RGS22: variants seen among roughly 807,000 people sequenced by gnomAD.
The protein encoded by RGS22 is regulator of G-protein signaling 22.
A neutral mutation model predicts 172.9 loss-of-function variants in RGS22; 148 were observed. The observed-to-expected ratio is 0.86, with a 90% confidence interval of 0.75 to 0.98. RGS22 has a LOEUF of 0.98. Ranked by LOEUF, RGS22 falls within the 50% of genes least tolerant of loss-of-function variation. The probability of loss-of-function intolerance (pLI) is 0.00; values close to 1 mark genes in which losing one functional copy is unlikely to be tolerated. For missense variants in RGS22, 1,347 were observed against 1,440.8 expected, an observed-to-expected ratio of 0.93 and a Z score of 1.05; for synonymous variants, 458 against 480.2, an observed-to-expected ratio of 0.95 and a Z score of 0.60.
intron 24 of RGS22, among the ~76,000 whole-genome samples, chr8:99,964,672 A>G (rs1403660017): frequency 6.6e-6 from 1 of 152,084 alleles, no homozygotes; most frequent in Non-Finnish European, 1.5e-5. Context: ...AAAATTGGAT[A>G]TTTCTCTTCT....
At chr8:100,082,194 G>C (rs1352003661) in intron 3 of RGS22, among the ~76,000 whole-genome samples, 2 of 152,114 alleles carry the variant, frequency 1.3e-5, no homozygotes, top group Non-Finnish European at 2.9e-5. Flanking sequence ...TCATGTGATA[G>C]GTGTGTGATG....
chr8:100,093,309 G>C (rs1266820392), intron 3 of RGS22, 138 bp downstream of exon 3: 1 of 547,912 alleles, frequency 1.8e-6, no homozygotes, highest in African/African-American at 2.0e-5. Context: ...TATGTAAAAA[G>C]ATAAAACCTT....
At chr8:99,988,090 A>T (rs1324941284) in intron 20 of RGS22, among the ~76,000 whole-genome samples, 4 of 151,430 alleles carry the variant, frequency 2.6e-5, no homozygotes, top group African/African-American at 9.7e-5. Flanking sequence ...TTATCAATTG[A>T]TTCTATAAGT....
At chr8:100,048,959 G>C (rs760462466) in intron 10 of RGS22, among the ~76,000 whole-genome samples, 1 of 152,102 alleles carries the variant, frequency 6.6e-6, no homozygotes, top group Non-Finnish European at 1.5e-5. Flanking sequence ...TATAAAAAGT[G>C]ATTAAGATGA....
intron 14 of RGS22, among the ~76,000 whole-genome samples, chr8:100,027,209 G>A (rs765257932): frequency 2.0e-5 from 3 of 152,082 alleles, no homozygotes; most frequent in African/African-American, 7.2e-5. Context: ...TCTCCAGCTT[G>A]GGTGACAGAG....
intron 14 of RGS22, among the ~76,000 whole-genome samples, chr8:100,029,690 G>A (rs1404273383): frequency 1.6e-4 from 14 of 86,422 alleles, no homozygotes; most frequent in Admixed American, 5.4e-4. Context: ...GCAACAAGGC[G>A]AAACTCCGTC....
Position 99,962,922 on chromosome 8 carries a change from A to G in RGS22, c.3672T>C (p.Leu1224=), listed in dbSNP as rs1346158773. The change falls in exon 25 of 28, where the codon CTT becomes CTC. Residue 1224 remains leucine (L), a synonymous_variant. Coordinates refer to ENST00000360863, the MANE Select transcript of RGS22 (RefSeq NM_015668.5). ...IEALEQERIL[L]KIQEELEKKL... The stretch of plus-strand genomic sequence containing the variant: ...TTTTTTCTAGTTCTTCTTGGATCTT[A>G]AGAAGAATTCTCTCCTGTTCTAAGG... 3.1e-6 allele frequency: 5 copies of G among 1,601,608 alleles called. No individual in the cohort carries two copies. Among genetic ancestry groups the G allele is most frequent in the South Asian group, 1.1e-5 (1 of 87,070 alleles).
chr8:100,012,978 A>ATTTTTT (rs35339430), intron 14 of RGS22, among the ~76,000 whole-genome samples: 7 of 88,750 alleles, frequency 7.9e-5, no homozygotes, highest in African/African-American at 1.3e-4. Context: ...AACGCCTTTG[A>ATTTTTT]TTTTTTTTTT....
chr8:100,061,043 C>G (rs965093337), intron 9 of RGS22, among the ~76,000 whole-genome samples: 2 of 151,904 alleles, frequency 1.3e-5, no homozygotes, highest in Non-Finnish European at 2.9e-5. Flanking sequence ...TTTGAAAAAC[C>G]CAACAAAAAC....
rs758064565 is a variant in RGS22, at chr8:99,977,927, T to A, written c.3509A>T (p.Lys1170Ile). The A allele has an allele frequency of 5.8e-6, 9 of 1,564,038 alleles. No homozygotes were observed. The Admixed American group carries it at 1.9e-4, about 34-fold the overall frequency. ...KKKLAVLEDE[K>I]SGKDGIKQYA... ...TGAGTCTTGTCTCACCTTTCCAGAT[T>A]TTTCGTCTTCTAGGACTGCCAATTT... Residue 1170 changes from lysine (K) to isoleucine (I), a missense_variant, in exon 23 of 28, where the codon AAA (lysine) becomes ATA (isoleucine). By Grantham distance (102) the Lys-to-Ile change is moderately radical. Transcript: ENST00000360863.
chr8:100,015,130 G>C (rs1368072415), intron 14 of RGS22, among the ~76,000 whole-genome samples: 3 of 152,178 alleles, frequency 2.0e-5, no homozygotes, highest in Non-Finnish European at 2.9e-5. Flanking sequence ...TTTTAGACCT[G>C]ATTTCTTCCC....
intron 24 of RGS22, among the ~76,000 whole-genome samples, chr8:99,964,625 T>C (rs183000527): frequency 1.3e-5 from 2 of 152,300 alleles, no homozygotes; most frequent in Admixed American, 6.5e-5. Context: ...CTAGGTATCA[T>C]ATGCTTTTAG....
chr8:100,032,855 T>G (rs1311401412), intron 14 of RGS22, among the ~76,000 whole-genome samples: 2 of 152,172 alleles, frequency 1.3e-5, no homozygotes, highest in South Asian at 2.1e-4. Context: ...AACTCAGGAT[T>G]AAGAAACTCA....
In RGS22 at chr8:100,093,513, C is replaced by CAAA; in HGVS notation, c.55-7_55-5dup. On this transcript the variant is annotated splice_polypyrimidine_tract_variant and splice_region_variant and intron_variant, in intron 2 of 27. Transcript: ENST00000360863. ...CATCTGTTGCCAGAGAATCTTCCTG[C>CAAA]AAAAAAAAAACATAAAAACACAGTA... 4.4e-6 allele frequency: 6 copies of CAAA among 1,350,382 alleles called. No individual in the cohort carries two copies. Among genetic ancestry groups the CAAA allele is most frequent in the Non-Finnish European group, 6.0e-6 (6 of 993,530 alleles). 83.6% of individuals were successfully genotyped at this position (1,350,382 alleles called of 1,614,324 possible). A position where few individuals can be genotyped will look rare whatever the true frequency, so the allele number is the denominator to read the frequency against.
intron 17 of RGS22, chr8:100,003,061 G>GAA: frequency 1.2e-5 from 2 of 160,006 alleles, no homozygotes; most frequent in Non-Finnish European, 2.8e-5. Context: ...TCTCAAAAAA[G>GAA]AAAAAAAAAG....
chr8:100,024,558 T>G (rs1283091286), intron 14 of RGS22, among the ~76,000 whole-genome samples: 2 of 152,022 alleles, frequency 1.3e-5, no homozygotes. Context: ...GGACCTACAG[T>G]CTCACGGAGA....
chr8:99,963,858 T>C (rs1272736896), intron 24 of RGS22, among the ~76,000 whole-genome samples: 1 of 152,316 alleles, frequency 6.6e-6, no homozygotes, highest in East Asian at 1.9e-4. Flanking sequence ...GGAACAACTG[T>C]ATAGGGCATC....
At chr8:100,018,376 A>G (rs1298171638) in intron 14 of RGS22, among the ~76,000 whole-genome samples, 1 of 152,150 alleles carries the variant, frequency 6.6e-6, no homozygotes, top group East Asian at 1.9e-4. Flanking sequence ...CAGAAGGAAG[A>G]GCTGAATTGG....
intron 24 of RGS22, among the ~76,000 whole-genome samples, chr8:99,963,248 T>C (rs1018397187): frequency 1.3e-5 from 2 of 152,172 alleles, no homozygotes; most frequent in African/African-American, 4.8e-5. Flanking sequence ...TATATTTTCT[T>C]CCATAGCCTT....
Sources: gnomAD v4.1 joint callset for allele counts (sites outside exome capture counted in the v4.1 genomes callset) on GRCh38, gnomAD v4.1.1 for gene constraint, MANE v1.5 for transcripts, NCBI Gene and HGNC (gene_info 2026-07-23, HGNC 2026-07-21) for gene names.